FARS2: variants seen among roughly 807,000 people sequenced by gnomAD.
FARS2 encodes phenylalanine--tRNA ligase, mitochondrial.
FARS2 carries 40 observed loss-of-function variants against 46.4 expected under a neutral mutation model. The observed-to-expected ratio is 0.86, with a 90% CI of 0.67 to 1.12. The LOEUF is 1.12. Among genes scored for constraint, FARS2 ranks in the 50% most tolerant of loss-of-function variants. The pLI is 0.00. For synonymous variants in FARS2, 234 were observed against 214.9 expected (o/e 1.09, Z -0.78); for missense variants, 513 against 567.9 (o/e 0.90, Z 0.98).
upstream of FARS2, among the ~76,000 whole-genome samples, chr6:5,260,432 G>A (rs1764972282): frequency 6.6e-6 from 1 of 152,204 alleles, no homozygotes; most frequent in Non-Finnish European, 1.5e-5. Flanking sequence ...AGACATGAAC[G>A]TCTCCCCTGG....
Position 5,762,420 on chromosome 6 carries a change from G to A in FARS2, c.1218-8871G>A, listed in dbSNP as rs150491261. ...ATAAGAGAGTCCATTAGATTTCCCCGGAGCAGTTATTGTCATATACACACG... is the reference window on the plus strand; with the variant it reads ...ATAAGAGAGTCCATTAGATTTCCCCAGAGCAGTTATTGTCATATACACACG... On this transcript the variant is annotated intron_variant, in intron 6 of 6. Coordinates refer to ENST00000274680, the MANE Select transcript of FARS2 (RefSeq NM_006567.5). Among the ~76,000 whole-genome samples the A allele has an allele frequency of 7.1e-3, 1,081 of 152,194 alleles. 19 individuals are homozygous for A. Among genetic ancestry groups the A allele is most frequent in the African/African-American group, 0.025 (1,024 of 41,512 alleles).
intron 6 of FARS2, among the ~76,000 whole-genome samples, chr6:5,741,571 C>T (rs956919148): frequency 1.3e-5 from 2 of 152,226 alleles, no homozygotes; most frequent in African/African-American, 4.8e-5. Context: ...GTCTATAACC[C>T]CTGTGGGTAT....
chr6:5,634,373 G>A (rs1282421875), intron 6 of FARS2, among the ~76,000 whole-genome samples: 1 of 152,210 alleles, frequency 6.6e-6, no homozygotes. Flanking sequence ...TATGATCACA[G>A]TTCACTGCAG....
intron 6 of FARS2, among the ~76,000 whole-genome samples, chr6:5,755,094 A>G (rs769302170): frequency 1.3e-5 from 2 of 152,154 alleles, no homozygotes; most frequent in Admixed American, 6.5e-5. Context: ...ACAGTTCCTT[A>G]GAGTTGTCTT....
rs1229314240 is a variant in FARS2, at chr6:5,368,831, G to A, written c.261G>A (p.Trp87Ter). ...NLHNQQHHPLWLIKERVKEHF... is the reference protein window; with the variant it reads ...NLHNQQHHPL The stretch of plus-strand genomic sequence containing the variant: ...ACAACCAGCAGCATCACCCTCTGTG[G>A]CTGATCAAGGAGAGGGTGAAGGAGC... Residue 87 changes from tryptophan to a stop codon, truncating the protein, a stop_gained, in exon 2 of 7, where the codon TGG becomes TGA. Coordinates refer to ENST00000274680, the MANE Select transcript of FARS2 (RefSeq NM_006567.5). LOFTEE classifies it high-confidence loss of function. The A allele has an allele frequency of 1.2e-6, 2 of 1,614,058 alleles. No homozygotes were observed. The highest frequency in any genetic ancestry group is 1.7e-6 in the Non-Finnish European group (2 of 1,180,032).
intron 3 of FARS2, among the ~76,000 whole-genome samples, chr6:5,426,400 ACT>A (rs1762856468): frequency 6.6e-6 from 1 of 152,120 alleles, no homozygotes; most frequent in Non-Finnish European, 1.5e-5. Context: ...AATAAGTCAC[ACT>A]CAACATAGTT....
At chr6:5,715,456 C>G (rs1271742938) in intron 6 of FARS2, among the ~76,000 whole-genome samples, 1 of 152,168 alleles carries the variant, frequency 6.6e-6, no homozygotes, top group East Asian at 1.9e-4. Context: ...ACCGCCCTTT[C>G]CCTGCCACTG....
intron 4 of FARS2, among the ~76,000 whole-genome samples, chr6:5,496,475 G>C (rs1767472306): frequency 6.6e-6 from 1 of 152,120 alleles, no homozygotes; most frequent in Admixed American, 6.5e-5. Flanking sequence ...ACTTGCTACG[G>C]GTGCCATAAC....
Position 5,346,898 on chromosome 6 carries a change from T to C in FARS2, c.-21-21652T>C, listed in dbSNP as rs527806650. 4.1e-4 allele frequency among the ~76,000 whole-genome samples: 62 copies of C among 150,808 alleles called. 1 individual carries two copies. The highest frequency in any genetic ancestry group is 1.2e-3 in the African/African-American group (50 of 41,316). Reference sequence around the variant, plus strand: ...CAGTGAACTTCACGGACCTTAGTTATACCATTCATTAGGTTTTTTTTTTTT... The same window carrying C: ...CAGTGAACTTCACGGACCTTAGTTACACCATTCATTAGGTTTTTTTTTTTT... On this transcript the variant is annotated intron_variant, in intron 1 of 6. Transcript: ENST00000274680.
intron 1 of FARS2, among the ~76,000 whole-genome samples, chr6:5,334,070 T>C (rs935153738): frequency 2.0e-5 from 3 of 152,244 alleles, no homozygotes; most frequent in African/African-American, 7.2e-5. Context: ...TCTGGCTTCA[T>C]ACATTTAAAA....
At chr6:5,532,783 T>TAATAAGAAGAAGAAGAAG (rs894517533) in intron 4 of FARS2, among the ~76,000 whole-genome samples, 27 of 138,750 alleles carry the variant, frequency 1.9e-4, no homozygotes, top group African/African-American at 8.2e-4. Context: ...ATAATAATAA[T>TAATAAGAAGAAGAAGAAG]AAGAAGAAGA....
At chr6:5,561,736 G>T (rs577652338) in intron 5 of FARS2, among the ~76,000 whole-genome samples, 1 of 152,088 alleles carries the variant, frequency 6.6e-6, no homozygotes, top group Admixed American at 6.5e-5. Flanking sequence ...TACTCTCCTT[G>T]AATAGTGGCT....
At chr6:5,465,713 G>A (rs925685585) in intron 4 of FARS2, among the ~76,000 whole-genome samples, 2 of 151,698 alleles carry the variant, frequency 1.3e-5, no homozygotes, top group African/African-American at 4.8e-5. Context: ...TATTTGATAA[G>A]CACTAGGAGA....
At chr6:5,703,158 T>C (rs1758543899) in intron 6 of FARS2, among the ~76,000 whole-genome samples, 1 of 152,230 alleles carries the variant, frequency 6.6e-6, no homozygotes, top group Non-Finnish European at 1.5e-5. Context: ...CTGTGGATTA[T>C]ACATTTTGGT....
At chr6:5,502,412 T>C (rs2150383769) in intron 4 of FARS2, among the ~76,000 whole-genome samples, 1 of 152,332 alleles carries the variant, frequency 6.6e-6, no homozygotes, top group South Asian at 2.1e-4. Flanking sequence ...TAAAATTATT[T>C]TTCAATAAAC....
intron 6 of FARS2, among the ~76,000 whole-genome samples, chr6:5,679,607 A>G (rs983829457): frequency 1.6e-4 from 24 of 152,300 alleles, no homozygotes; most frequent in Admixed American, 1.0e-3. Flanking sequence ...AATGCCTTTC[A>G]AAAGAAATAA....
chr6:5,629,564 T>C (rs576783315), intron 6 of FARS2, among the ~76,000 whole-genome samples: 4 of 152,280 alleles, frequency 2.6e-5, no homozygotes, highest in African/African-American at 9.6e-5. Flanking sequence ...GATGAGGGGC[T>C]AGATCCTAAA....
rs138310275 is a variant in FARS2, at chr6:5,666,724, T to C, written c.1217+53404T>C. On this transcript the variant is annotated intron_variant, in intron 6 of 6. Transcript: ENST00000274680. Reference sequence around the variant, plus strand: ...TTGACCCAGCAATCCCATTGCTGGATATACACCCAAAGGAATATAAATTGT... The same window carrying C: ...TTGACCCAGCAATCCCATTGCTGGACATACACCCAAAGGAATATAAATTGT... 3.4e-3 allele frequency among the ~76,000 whole-genome samples: 525 copies of C among 152,330 alleles called. 6 individuals carry two copies. The highest frequency in any genetic ancestry group is 0.023 in the Admixed American group (359 of 15,296).
At chr6:5,489,006 T>C (rs970670005) in intron 4 of FARS2, among the ~76,000 whole-genome samples, 1 of 152,186 alleles carries the variant, frequency 6.6e-6, no homozygotes, top group African/African-American at 2.4e-5. Context: ...TTTCTGGAGC[T>C]TACAGTATGG....
Sources: allele counts gnomAD v4.1 joint callset (sites outside exome capture counted in the v4.1 genomes callset), GRCh38; gene constraint gnomAD v4.1.1; transcripts MANE v1.5; gene names NCBI Gene and HGNC (gene_info 2026-07-23, HGNC 2026-07-21).